Variants in GPR155 observed in about 807,000 individuals in gnomAD.
GPR155 encodes the protein G protein-coupled receptor 155.
In GPR155, 65 loss-of-function variants were observed where a neutral mutation model predicts 93.1. The observed-to-expected ratio is 0.70, with a 90% CI of 0.57 to 0.86. The LOEUF is 0.86. Ranked by LOEUF, GPR155 falls within the 40% of genes least tolerant of loss-of-function variation. GPR155 has a pLI of 0.00. For synonymous variants in GPR155, 319 were observed against 360.1 expected, an observed-to-expected ratio of 0.89 and a Z score of 1.29; for missense variants, 838 against 1,034.8, an observed-to-expected ratio of 0.81 and a Z score of 2.61.
intron 13 of GPR155, among the ~76,000 whole-genome samples, chr2:174,444,226 G>A (rs1032694544): frequency 1.3e-5 from 2 of 151,948 alleles, no homozygotes; most frequent in Non-Finnish European, 2.9e-5. Context: ...AGACTAGCCT[G>A]AGCAACTGGA....
rs943243656 is a variant in GPR155 at position 174,441,752 on chromosome 2, CGT to C, written c.2174+365_2174+366del. Reference sequence around the variant, plus strand: ...GTGTGTGTGTGTGTGTGTGTGTGTGCGTGTGTGTGTGACAGGATCTTGCTCTG... The same window carrying C: ...GTGTGTGTGTGTGTGTGTGTGTGTGCGTGTGTGTGACAGGATCTTGCTCTG... On this transcript the variant is annotated intron_variant, in intron 14 of 15. Coordinates refer to ENST00000392552, the MANE Select transcript of GPR155 (RefSeq NM_152529.7). Among the ~76,000 whole-genome samples the C allele has an allele frequency of 8.0e-4, 105 of 131,250 alleles. 2 individuals are homozygous for C. Among genetic ancestry groups the C allele is most frequent in the Non-Finnish European group, 1.4e-3 (86 of 60,756 alleles). The allele number at this position is 131,250 out of a possible 152,430, so 86.1% of individuals were successfully genotyped here. A position where few individuals can be genotyped will look rare whatever the true frequency, so the allele number is the denominator to read the frequency against.
chr2:174,452,547 C>T (rs1003833218), intron 11 of GPR155, among the ~76,000 whole-genome samples: 2 of 152,078 alleles, frequency 1.3e-5, no homozygotes, highest in Admixed American at 1.3e-4. Context: ...GTATAATCAA[C>T]GAAAAATGCA....
At chr2:174,449,213 A>T (rs1362925707) in intron 11 of GPR155, among the ~76,000 whole-genome samples, 1 of 152,214 alleles carries the variant, frequency 6.6e-6, no homozygotes, top group East Asian at 1.9e-4. Flanking sequence ...GGCTATTATT[A>T]AAAAATCAAT....
At chr2:174,451,887 G>A (rs947204419) in intron 11 of GPR155, among the ~76,000 whole-genome samples, 8 of 152,218 alleles carry the variant, frequency 5.3e-5, no homozygotes, top group South Asian at 2.1e-4. Flanking sequence ...GCTCAAGCAC[G>A]ATCCTCTTGC....
At chr2:174,444,649 C>T (rs950374433) in intron 13 of GPR155, among the ~76,000 whole-genome samples, 1 of 151,830 alleles carries the variant, frequency 6.6e-6, no homozygotes, top group Non-Finnish European at 1.5e-5. Context: ...TGGACTACCA[C>T]GTCTGGCTAA....
intron 11 of GPR155, among the ~76,000 whole-genome samples, chr2:174,451,222 G>A (rs529279766): frequency 7.9e-5 from 12 of 151,992 alleles, no homozygotes; most frequent in African/African-American, 2.4e-4. Flanking sequence ...CCTGAGGCAG[G>A]AGAATTGCTT....
rs749524778 is a variant in GPR155 at position 174,436,387 on chromosome 2, A to G, written c.2342T>C (p.Phe781Ser). 2 of 1,614,032 alleles carry G rather than the reference A, an allele frequency of 1.2e-6. No individual in the cohort carries two copies. The highest frequency in any genetic ancestry group is 1.3e-5 in the African/African-American group (1 of 74,930). ...CCAGCTCACCAGGTCACAGCCACAG[A>G]AAGTTCCAGCAGAAGTCTTTGCACC... ...RCGAKTSAGT[F>S]CGCDLVSWLI... The change falls in exon 16 of 16, where the codon TTC (phenylalanine) becomes TCC (serine). Residue 781 changes from phenylalanine to serine, a missense_variant. Around this residue, in one of 3 missense-constraint regions of GPR155, gnomAD observed 146 missense variants for 177.5 expected, o/e 0.82. Transcript: ENST00000392552.
rs1686684270 is a variant in GPR155, at chr2:174,433,122, C to T, written c.*2994G>A. The T allele has an allele frequency of 6.6e-6, 1 of 151,864 alleles. No individual in the cohort carries two copies. Among genetic ancestry groups the T allele is most frequent in the African/African-American group, 2.4e-5 (1 of 41,260 alleles). The allele number at this position is 151,864 out of a possible 1,614,324, so 9.4% of individuals were successfully genotyped here. On this transcript the variant is annotated 3_prime_UTR_variant, in exon 16 of 16. Transcript: ENST00000392552. The stretch of plus-strand genomic sequence containing the variant: ...GCATTAAAAGGGCAATGACTCTAAC[C>T]CTATAAATTATTTTATAAATAACTT...
intron 7 of GPR155, among the ~76,000 whole-genome samples, chr2:174,464,166 T>C (rs1041679150): frequency 6.6e-6 from 1 of 152,242 alleles, no homozygotes; most frequent in Admixed American, 6.5e-5. Flanking sequence ...TTTTTGGGCC[T>C]ATTTCTCAGT....
intron 2 of GPR155, among the ~76,000 whole-genome samples, chr2:174,480,888 G>C (rs527558234): frequency 6.6e-6 from 1 of 152,198 alleles, no homozygotes; most frequent in African/African-American, 2.4e-5. Flanking sequence ...TCCTGCCTCA[G>C]CCTCTTGGGT....
At position 174,442,135 on chromosome 2, in the gene GPR155, G is replaced by A; in HGVS notation, c.2158C>T (p.Leu720=). 7.3e-7 allele frequency: 1 copy of A among 1,364,978 alleles called. No individual in the cohort carries two copies. The highest frequency in any genetic ancestry group is 1.2e-5 in the South Asian group (1 of 85,944). 84.6% of individuals were successfully genotyped at this position (1,364,978 alleles called of 1,614,324 possible). ...IFGLDKHLII[L]PFKRRLEFLW... ...TTAATTTACCTTCTTTTGAAAGGCA[G>A]GATGATTAAATGTTTATCTAATCCA... Residue 720 remains leucine (L), a synonymous_variant, in exon 14 of 16, where the codon CTG becomes TTG. Transcript: ENST00000392552.
intron 3 of GPR155, among the ~76,000 whole-genome samples, chr2:174,471,016 G>GAAAA (rs560413466): frequency 9.9e-6 from 1 of 100,746 alleles, no homozygotes; most frequent in Non-Finnish European, 2.2e-5. Context: ...CTCCTGTTTT[G>GAAAA]AAAAAAAAAA....
At chr2:174,480,943 G>T (rs919606493) in intron 2 of GPR155, among the ~76,000 whole-genome samples, 4 of 151,888 alleles carry the variant, frequency 2.6e-5, no homozygotes, top group Non-Finnish European at 4.4e-5. Context: ...CTAATTTTTT[G>T]TTGTTGTTAT....
intron 15 of GPR155, among the ~76,000 whole-genome samples, chr2:174,437,671 G>A (rs924125258): frequency 2.1e-5 from 3 of 144,362 alleles, no homozygotes; most frequent in Non-Finnish European, 1.5e-5. Context: ...CACAACCTCC[G>A]TCTCCTGGGT....
Position 174,445,071 on chromosome 2 carries a change from A to G in GPR155, c.2109+10T>C. 1.4e-6 allele frequency: 2 copies of G among 1,458,680 alleles called. No individual in the cohort carries two copies. The highest frequency in any genetic ancestry group is 1.9e-6 in the Non-Finnish European group (2 of 1,039,014). The allele number at this position is 1,458,680 out of a possible 1,614,324, so 90.4% of individuals were successfully genotyped here. Reference sequence around the variant, plus strand: ...ACAAAAACCCCTCAAAGTTCTCCATAAATAAATACCTGACCAAAGTTAAAC... The same window carrying G: ...ACAAAAACCCCTCAAAGTTCTCCATGAATAAATACCTGACCAAAGTTAAAC... On this transcript the variant is annotated intron_variant, in intron 13 of 15. Coordinates refer to ENST00000392552, the MANE Select transcript of GPR155 (RefSeq NM_152529.7).
At chr2:174,448,959 G>T (rs1687239169) in intron 11 of GPR155, among the ~76,000 whole-genome samples, 1 of 152,152 alleles carries the variant, frequency 6.6e-6, no homozygotes, top group Non-Finnish European at 1.5e-5. Context: ...ACAACCTACA[G>T]AATGGGAGAA....
chr2:174,462,868 G>A (rs1687740167), intron 7 of GPR155, among the ~76,000 whole-genome samples: 1 of 152,042 alleles, frequency 6.6e-6, no homozygotes, highest in South Asian at 2.1e-4. Context: ...ATAGTTATAG[G>A]ATCTTAGAAC....
At chr2:174,461,115 G>C (rs1687680068) in intron 9 of GPR155, among the ~76,000 whole-genome samples, 1 of 152,050 alleles carries the variant, frequency 6.6e-6, no homozygotes, top group Non-Finnish European at 1.5e-5. Flanking sequence ...CTTATTAAAT[G>C]GTTTTAAATT....
chr2:174,459,566 A>T (rs1022712611), intron 10 of GPR155, among the ~76,000 whole-genome samples: 1 of 152,174 alleles, frequency 6.6e-6, no homozygotes, highest in African/African-American at 2.4e-5. Context: ...TTATATTTAA[A>T]GATCAGGCTG....
Sources: gnomAD v4.1 joint callset for allele counts (sites outside exome capture counted in the v4.1 genomes callset) on GRCh38, gnomAD v4.1.1 for gene constraint, gnomAD v4.1.1 regional missense constraint, MANE v1.5 for transcripts, NCBI Gene and HGNC (gene_info 2026-07-23, HGNC 2026-07-21) for gene names.